STAU2: variants seen among roughly 807,000 people sequenced by gnomAD.
The protein encoded by STAU2 is double-stranded RNA-binding protein Staufen homolog 2.
STAU2 carries 20 observed loss-of-function variants against 65.9 expected under a neutral mutation model. That is an observed-to-expected ratio of 0.30 (90% CI 0.21 to 0.44). The LOEUF (loss-of-function observed/expected upper bound fraction) is 0.44. Ranked by LOEUF, STAU2 falls within the 20% of genes least tolerant of loss-of-function variation. The pLI, the probability that STAU2 is intolerant of heterozygous loss-of-function variation, is 1.00. For synonymous variants in STAU2, 232 were observed against 233.9 expected, an observed-to-expected ratio of 0.99 and a Z score of 0.07; for missense variants, 558 against 683.9, an observed-to-expected ratio of 0.82 and a Z score of 2.05.
intron 13 of STAU2, among the ~76,000 whole-genome samples, chr8:73,534,644 TAATAA>T (rs1461428864): frequency 6.6e-6 from 1 of 152,214 alleles, no homozygotes; most frequent in East Asian, 1.9e-4. Flanking sequence ...ACTCATAATG[TAATAA>T]AATAAATTAC....
At chr8:73,448,897 G>T (rs1297415545) in intron 13 of STAU2, among the ~76,000 whole-genome samples, 1 of 152,250 alleles carries the variant, frequency 6.6e-6, no homozygotes, top group African/African-American at 2.4e-5. Flanking sequence ...TGCTCAGCGC[G>T]GGAATATTCC....
intron 13 of STAU2, among the ~76,000 whole-genome samples, chr8:73,467,396 G>A (rs923165253): frequency 6.6e-6 from 1 of 152,128 alleles, no homozygotes; most frequent in South Asian, 2.1e-4. Context: ...GCCGGGCATG[G>A]TGGCGGGCGC....
chr8:73,725,790 G>A lies in STAU2; in HGVS notation c.-18+12494C>T, dbSNP rs192776642. ...TCAACAAAATATATAAAAATTAGCC[G>A]GATATAGTGGTGCATGCCTGTAATC... On this transcript the variant is annotated intron_variant, in intron 3 of 14. Coordinates refer to ENST00000524300, the MANE Select transcript of STAU2 (RefSeq NM_001164380.2). 2.6e-3 allele frequency among the ~76,000 whole-genome samples: 401 copies of A among 152,146 alleles called. 1 individual carries two copies. The highest frequency in any genetic ancestry group is 8.5e-3 in the African/African-American group (353 of 41,502).
chr8:73,663,148 T>G (rs566215045), intron 6 of STAU2, among the ~76,000 whole-genome samples: 8 of 152,198 alleles, frequency 5.3e-5, no homozygotes, highest in Non-Finnish European at 1.0e-4. Context: ...TTACATCTAT[T>G]CGACTCTGCT....
intron 6 of STAU2, among the ~76,000 whole-genome samples, chr8:73,642,244 G>T (rs1444306860): frequency 6.6e-6 from 1 of 152,110 alleles, no homozygotes; most frequent in East Asian, 1.9e-4. Flanking sequence ...TTTCATCTTT[G>T]CCAGGTGCGG....
At chr8:73,687,272 T>C (rs1279431018) in intron 5 of STAU2, among the ~76,000 whole-genome samples, 1 of 110,754 alleles carries the variant, frequency 9.0e-6, no homozygotes, top group African/African-American at 3.6e-5. Flanking sequence ...TTCTATTAAT[T>C]TACATTTATA....
intron 13 of STAU2, among the ~76,000 whole-genome samples, chr8:73,478,355 T>C (rs1820430724): frequency 6.6e-6 from 1 of 151,218 alleles, no homozygotes. Flanking sequence ...CAAAATGTTT[T>C]AAGAAAGTTG....
intron 13 of STAU2, among the ~76,000 whole-genome samples, chr8:73,528,994 T>C (rs999768056): frequency 2.6e-5 from 4 of 152,170 alleles, no homozygotes; most frequent in African/African-American, 9.6e-5. Context: ...GGCCATCATT[T>C]TCCCTGGAGG....
intron 13 of STAU2, among the ~76,000 whole-genome samples, chr8:73,423,039 C>A (rs989582803): frequency 6.6e-6 from 1 of 152,246 alleles, no homozygotes; most frequent in African/African-American, 2.4e-5. Flanking sequence ...ACTACACATT[C>A]TCTTCTCTCA....
chr8:73,669,404 A>G (rs1053739522), intron 6 of STAU2, among the ~76,000 whole-genome samples: 4 of 152,226 alleles, frequency 2.6e-5, no homozygotes, highest in South Asian at 2.1e-4. Flanking sequence ...CACAACAACC[A>G]TAAGAATTAG....
chr8:73,564,477 A>G (rs1808454879), intron 12 of STAU2, among the ~76,000 whole-genome samples: 1 of 152,034 alleles, frequency 6.6e-6, no homozygotes, highest in African/African-American at 2.4e-5. Context: ...CACACACTGG[A>G]GCCTATCGAA....
chr8:73,448,585 G>C (rs1043004321), intron 13 of STAU2, among the ~76,000 whole-genome samples: 2 of 152,186 alleles, frequency 1.3e-5, no homozygotes, highest in Non-Finnish European at 2.9e-5. Flanking sequence ...GCCCGGCTAG[G>C]AGACACAAGT....
chr8:73,464,476 C>A (rs916376404), intron 13 of STAU2, among the ~76,000 whole-genome samples: 4 of 152,176 alleles, frequency 2.6e-5, no homozygotes, highest in African/African-American at 9.7e-5. Flanking sequence ...ACCAGTAACA[C>A]CAGGTGCTCT....
At chr8:73,734,650 C>T (rs1164484596) in intron 3 of STAU2, among the ~76,000 whole-genome samples, 2 of 151,904 alleles carry the variant, frequency 1.3e-5, no homozygotes, top group African/African-American at 2.4e-5. Context: ...AAAAATTAGC[C>T]GGGCGTGGTG....
chr8:73,665,857 T>C (rs535954573), intron 6 of STAU2, among the ~76,000 whole-genome samples: 6 of 152,316 alleles, frequency 3.9e-5, no homozygotes, highest in African/African-American at 1.4e-4. Flanking sequence ...TATTTTAATA[T>C]TTGCATATAA....
At chr8:73,554,028 T>G (rs1807538544) in intron 12 of STAU2, among the ~76,000 whole-genome samples, 1 of 152,190 alleles carries the variant, frequency 6.6e-6, no homozygotes, top group Admixed American at 6.5e-5. Flanking sequence ...GGCCTCATAC[T>G]GGAGAAGATC....
intron 3 of STAU2, among the ~76,000 whole-genome samples, chr8:73,736,499 C>G (rs562025287): frequency 1.1e-4 from 16 of 152,264 alleles, no homozygotes; most frequent in African/African-American, 3.9e-4. Flanking sequence ...GAGCAAGGTG[C>G]TATAACAGCA....
At chr8:73,653,615 T>C (rs550598543) in intron 6 of STAU2, 4 of 166,608 alleles carry the variant, frequency 2.4e-5, no homozygotes, top group Non-Finnish European at 5.1e-5. Flanking sequence ...TGACTGGACA[T>C]AGAATTACTT....
intron 13 of STAU2, among the ~76,000 whole-genome samples, chr8:73,458,493 C>A (rs1819185886): frequency 6.6e-6 from 1 of 152,138 alleles, no homozygotes; most frequent in South Asian, 2.1e-4. Flanking sequence ...ACATTCTCTC[C>A]CAATACTTGT....
Sources: allele counts gnomAD v4.1 joint callset (sites outside exome capture counted in the v4.1 genomes callset), GRCh38; gene constraint gnomAD v4.1.1; transcripts MANE v1.5; gene names NCBI Gene and HGNC (gene_info 2026-07-23, HGNC 2026-07-21).